PLXNB2: variants seen among roughly 807,000 people sequenced by gnomAD.
PLXNB2 encodes the protein plexin B2, also known as plexin-B2.
A neutral mutation model predicts 202.6 loss-of-function variants in PLXNB2; 85 were observed. The ratio of observed to expected loss-of-function variants is 0.42; its 90% CI spans 0.35 to 0.50. PLXNB2 has a LOEUF of 0.50. Among genes scored for constraint, PLXNB2 ranks in the 20% least tolerant of loss-of-function variants. The pLI is 0.02. For missense variants in PLXNB2, 2,063 were observed against 2,586.2 expected (o/e 0.80, Z 4.39); for synonymous variants, 1,239 against 1,137.6 (o/e 1.09, Z -1.79).
At position 50,289,655 on chromosome 22, in the gene PLXNB2, G is replaced by A. The variant is rs531017117; in HGVS notation, c.930C>T (p.Gly310=). The A allele has an allele frequency of 1.2e-6, 2 of 1,609,552 alleles. No homozygotes were observed. Among genetic ancestry groups the A allele is most frequent in the Non-Finnish European group, 1.7e-6 (2 of 1,179,754 alleles). ...DSRSSGGPGA[G]LCLFPLDKVH... The stretch of plus-strand genomic sequence containing the variant: ...CCTTGTCCAGCGGGAACAGGCAGAG[G>A]CCCGCACCGGGCCCCCCACTGCTCC... The change falls in exon 3 of 37, where the codon GGC becomes GGT. Residue 310 remains glycine, a synonymous_variant. Coordinates refer to ENST00000359337, the MANE Select transcript of PLXNB2 (RefSeq NM_012401.4). The surrounding 1 kb of genome is among the most constrained non-coding windows in gnomAD (Gnocchi z 8.0).
Position 50,284,157 on chromosome 22 carries a change from GC to G in PLXNB2, c.2237del (p.Gly746AlafsTer10). ...CATGGAGCTTGCTGTCGATATTCTT[GC>G]CGTAAGACTTGACGTAGAGGTGCAG... ...LPLHLYVKSYGKNIDSKLHVT... is the reference protein window; with the variant it reads ...LPLHLYVKSYXKNIDSKLHVT... On this transcript the variant is annotated frameshift_variant, in exon 13 of 37. Transcript: ENST00000359337. LOFTEE classifies it high-confidence loss of function. This position sits in a 1 kb window ranked among gnomAD's most constrained non-coding sequence, Gnocchi z 8.0. The G allele has an allele frequency of 6.4e-7, 1 of 1,560,482 alleles. No homozygotes were observed. Among genetic ancestry groups the G allele is most frequent in the Non-Finnish European group, 8.7e-7 (1 of 1,147,982 alleles).
Position 50,280,801 on chromosome 22 carries a change from C to T in PLXNB2, c.3936G>A (p.Val1312=). The T allele has an allele frequency of 6.2e-7, 1 of 1,613,244 alleles. No homozygotes were observed. The highest frequency in any genetic ancestry group is 8.5e-7 in the Non-Finnish European group (1 of 1,179,894). ...LDIPEPRRPV[V]EQALYQFSNL... ...TGGAGAACTGGTAGAGGGCCTGCTC[C>T]ACCACCGGCCGCCGCGGCTCAGGGA... Residue 1312 remains valine, a synonymous_variant, in exon 24 of 37, where the codon GTG becomes GTA. Transcript: ENST00000359337.
chr22:50,295,246 G>A lies in PLXNB2; in HGVS notation c.-73-468C>T, dbSNP rs537319600. Among the ~76,000 whole-genome samples, 20 of 151,176 alleles carry A rather than the reference G, an allele frequency of 1.3e-4. No individual in the cohort carries two copies. The East Asian group carries it at 1.4e-3, about 10-fold the overall frequency. On this transcript the variant is annotated intron_variant, in intron 1 of 36. Coordinates refer to ENST00000359337, the MANE Select transcript of PLXNB2 (RefSeq NM_012401.4). The stretch of plus-strand genomic sequence containing the variant: ...TGAGGCAGGAGAATGGCATGAACCC[G>A]GCCGATGGAACTTGCAGTGAGCGGA...
intron 1 of PLXNB2, among the ~76,000 whole-genome samples, chr22:50,306,839 G>A (rs900405895): frequency 1.3e-5 from 2 of 152,242 alleles, no homozygotes; most frequent in Admixed American, 6.5e-5. Flanking sequence ...GAAGCCCCAG[G>A]GCGTCCGGGC....
At chr22:50,306,696 C>CCCTCA (rs2067895893) in intron 1 of PLXNB2, among the ~76,000 whole-genome samples, 1 of 144,082 alleles carries the variant, frequency 6.9e-6, no homozygotes, top group Admixed American at 6.7e-5. Flanking sequence ...CTCACCCTCA[C>CCCTCA]CCTCACCCTC....
chr22:50,279,277 G>A (rs1019426421), intron 27 of PLXNB2, among the ~76,000 whole-genome samples: 1 of 152,258 alleles, frequency 6.6e-6, no homozygotes, highest in Non-Finnish European at 1.5e-5. Flanking sequence ...GGAAGCACAT[G>A]TACAGACACA....
rs532363838 is a variant in PLXNB2, at chr22:50,282,496, G to A, written c.2988-183C>T. 358 of 715,760 alleles carry A rather than the reference G, an allele frequency of 5.0e-4. 4 individuals are homozygous for A. In the South Asian group the frequency reaches 6.3e-3, roughly 13 times the overall value. 44.3% of individuals were successfully genotyped at this position (715,760 alleles called of 1,614,324 possible). A position where few individuals can be genotyped will look rare whatever the true frequency, so the allele number is the denominator to read the frequency against. ...GCACGAGACTGTGCCGCAAGTGGGC[G>A]GGGGGCACACGGGGCCTGGTGAGCG... On this transcript the variant is annotated intron_variant, in intron 18 of 36. Coordinates refer to ENST00000359337, the MANE Select transcript of PLXNB2 (RefSeq NM_012401.4).
chr22:50,298,731 T>C (rs1036709808), intron 1 of PLXNB2, among the ~76,000 whole-genome samples: 11 of 152,184 alleles, frequency 7.2e-5, no homozygotes, highest in African/African-American at 2.2e-4. Flanking sequence ...CTGCAACCCC[T>C]GCCTCCCAGG....
intron 2 of PLXNB2, among the ~76,000 whole-genome samples, chr22:50,294,393 A>G (rs2067111745): frequency 7.0e-6 from 1 of 142,034 alleles, no homozygotes; most frequent in Non-Finnish European, 1.5e-5. Flanking sequence ...CCCCCCCACC[A>G]CACCCCCAAC....
At chr22:50,304,631 C>CG (rs896783362) in intron 1 of PLXNB2, among the ~76,000 whole-genome samples, 1 of 152,066 alleles carries the variant, frequency 6.6e-6, no homozygotes, top group Non-Finnish European at 1.5e-5. Context: ...GCTGCCTCCC[C>CG]GGGGCCCCAG....
Position 50,284,693 on chromosome 22 carries a change from A to G in PLXNB2, c.2089-28T>C. The G allele has an allele frequency of 6.3e-7, 1 of 1,574,810 alleles. No homozygotes were observed. The highest frequency in any genetic ancestry group is 8.7e-7 in the Non-Finnish European group (1 of 1,145,656). On this transcript the variant is annotated intron_variant, in intron 11 of 36. Coordinates refer to ENST00000359337, the MANE Select transcript of PLXNB2 (RefSeq NM_012401.4). The surrounding 1 kb of genome is among the most constrained non-coding windows in gnomAD (Gnocchi z 8.0). ...GCAGACCATGCCGTCAGGACCCTGG[A>G]CAGGCGGCTGTGGCACCCTGGCCCT...
intron 17 of PLXNB2, 27 bp from the exon 18 acceptor site, chr22:50,282,908 A>G (rs1215133559): frequency 1.3e-6 from 2 of 1,587,872 alleles, no homozygotes; most frequent in Non-Finnish European, 1.7e-6. Flanking sequence ...GCTGGTCTGC[A>G]TCAACCCCTC....
chr22:50,289,413 C>T lies in PLXNB2; in HGVS notation c.1068+104G>A, dbSNP rs556367781. 6.7e-5 allele frequency: 93 copies of T among 1,392,232 alleles called. No individual in the cohort carries two copies. Among genetic ancestry groups the T allele is most frequent in the South Asian group, 2.2e-4 (15 of 69,544 alleles). The allele number at this position is 1,392,232 out of a possible 1,614,324, so 86.2% of individuals were successfully genotyped here. On this transcript the variant is annotated intron_variant, in intron 3 of 36. Transcript: ENST00000359337. This position sits in a 1 kb window ranked among gnomAD's most constrained non-coding sequence, Gnocchi z 8.0. ...CAAGCGCCCAGGCTGGCGAGAGCCACGGCCACACTGCTCACGTGCACCCTC... is the reference window on the plus strand; with the variant it reads ...CAAGCGCCCAGGCTGGCGAGAGCCATGGCCACACTGCTCACGTGCACCCTC...
intron 1 of PLXNB2, chr22:50,301,498 G>C: frequency 3.2e-6 from 2 of 626,136 alleles, no homozygotes; most frequent in Non-Finnish European, 4.0e-6. Flanking sequence ...AGGGACTCTC[G>C]TGGGATTCTG....
intron 1 of PLXNB2, among the ~76,000 whole-genome samples, chr22:50,303,926 G>C (rs2147729010): frequency 6.6e-6 from 1 of 152,308 alleles, no homozygotes; most frequent in African/African-American, 2.4e-5. Flanking sequence ...AGGGGGCTGA[G>C]GAAGAGAGCT....
rs2066412306 is a variant in PLXNB2 at position 50,285,793 on chromosome 22, T to A, written c.2088+7A>T. 1.9e-6 allele frequency: 3 copies of A among 1,589,894 alleles called. No homozygotes were observed. Among genetic ancestry groups the A allele is most frequent in the Non-Finnish European group, 2.6e-6 (3 of 1,165,044 alleles). ...CCTGTCACCAGCCGGCACCCCTCCC[T>A]CCGCACCTTCACGGTGTCCAGGTTC... On this transcript the variant is annotated splice_region_variant and intron_variant, in intron 11 of 36. Coordinates refer to ENST00000359337, the MANE Select transcript of PLXNB2 (RefSeq NM_012401.4).
rs1333368482 is a variant in PLXNB2 at position 50,290,589 on chromosome 22, C to T, written c.-5G>A. The T allele has an allele frequency of 1.9e-6, 3 of 1,596,284 alleles. No homozygotes were observed. Among genetic ancestry groups the T allele is most frequent in the Non-Finnish European group, 2.6e-6 (3 of 1,172,816 alleles). Reference sequence around the variant, plus strand: ...GGCCCAGAGCTGCAGTGCCATTGCCCCCCGCACCCTGTGGGAAGAGAGAAG... The same window carrying T: ...GGCCCAGAGCTGCAGTGCCATTGCCTCCCGCACCCTGTGGGAAGAGAGAAG... On this transcript the variant is annotated 5_prime_UTR_variant, in exon 3 of 37. Transcript: ENST00000359337.
Position 50,284,899 on chromosome 22 carries a change from A to G in PLXNB2, c.2089-234T>C. 1.5e-6 allele frequency: 1 copy of G among 647,994 alleles called. No individual in the cohort carries two copies. Among genetic ancestry groups the G allele is most frequent in the Non-Finnish European group, 2.9e-6 (1 of 340,526 alleles). The allele number at this position is 647,994 out of a possible 1,614,324, so 40.1% of individuals were successfully genotyped here. A position where few individuals can be genotyped will look rare whatever the true frequency, so the allele number is the denominator to read the frequency against. On this transcript the variant is annotated intron_variant, in intron 11 of 36. Coordinates refer to ENST00000359337, the MANE Select transcript of PLXNB2 (RefSeq NM_012401.4). The surrounding 1 kb of genome is among the most constrained non-coding windows in gnomAD (Gnocchi z 8.0). ...CTGTGGGTTTCCCACGGCCACCTCC[A>G]CCACTCATCCACACCTGAGAACATC...
intron 35 of PLXNB2, 36 bp from the exon 36 acceptor site, chr22:50,275,999 G>T (rs750209367): frequency 1.3e-6 from 2 of 1,591,092 alleles, no homozygotes; most frequent in South Asian, 1.1e-5. Context: ...TGGAAAAGGG[G>T]CTGTGGGAGC....
Sources: gnomAD v4.1 joint callset for allele counts (sites outside exome capture counted in the v4.1 genomes callset) on GRCh38, gnomAD v4.1.1 for gene constraint, Gnocchi (gnomAD v3.1) non-coding constraint, MANE v1.5 for transcripts, NCBI Gene and HGNC (gene_info 2026-07-23, HGNC 2026-07-21) for gene names.